The following PTPRD variants were observed in gnomAD, a reference collection of about 807,000 sequenced individuals.
PTPRD encodes protein tyrosine phosphatase receptor type D.
Under a neutral mutation model 214.5 loss-of-function variants are expected in PTPRD, and 34 were observed. The observed-to-expected ratio is 0.16, with a 90% CI of 0.12 to 0.21. The LOEUF is 0.21. Ranked by LOEUF, PTPRD falls within the 10% of genes least tolerant of loss-of-function variation. PTPRD has a pLI of 1.00. For missense variants in PTPRD, 2,545 were observed against 2,398.7 expected, an observed-to-expected ratio of 1.06 and a Z score of -1.27; for synonymous variants, 1,128 against 845.7, an observed-to-expected ratio of 1.33 and a Z score of -5.79.
chr9:8,558,680 A>G (rs768904594), intron 14 of PTPRD, among the ~76,000 whole-genome samples: 1 of 152,190 alleles, frequency 6.6e-6, no homozygotes, highest in Non-Finnish European at 1.5e-5. Context: ...TCTAATAAAA[A>G]ATGTCTATTA....
Position 8,319,963 on chromosome 9 carries a change from C to T in PTPRD, c.5538G>A (p.Ala1846=), listed in dbSNP as rs755813376. ...QDGPISVHCS[A]GVGRTGVFIT... ...TGAAGACTCCAGTTCTTCCAACGCC[C>T]GCGCTGCCACAATAACAAAGGCGAT... Residue 1846 remains alanine (A), a synonymous_variant, in exon 45 of 46, where the codon GCG becomes GCA. Transcript: ENST00000381196. 5.6e-6 allele frequency: 9 copies of T among 1,611,020 alleles called. No individual in the cohort carries two copies. Among genetic ancestry groups the T allele is most frequent in the African/African-American group, 1.3e-5 (1 of 74,742 alleles).
At chr9:9,356,787 G>T (rs1322347071) in intron 9 of PTPRD, among the ~76,000 whole-genome samples, 1 of 151,276 alleles carries the variant, frequency 6.6e-6, no homozygotes, top group Non-Finnish European at 1.5e-5. Context: ...TTATGAAAAA[G>T]AAATACATTC....
chr9:9,294,229 T>C (rs1952210467), intron 9 of PTPRD, among the ~76,000 whole-genome samples: 1 of 151,720 alleles, frequency 6.6e-6, no homozygotes, highest in Admixed American at 6.6e-5. Flanking sequence ...TTCCACTTAC[T>C]ATTTCAGATC....
intron 39 of PTPRD, among the ~76,000 whole-genome samples, chr9:8,353,623 G>A (rs1461876719): frequency 6.6e-6 from 1 of 151,662 alleles, no homozygotes; most frequent in Non-Finnish European, 1.5e-5. Flanking sequence ...TAGTAGAGAT[G>A]GGGTTTCACT....
At chr9:10,478,019 C>T (rs922553402) in intron 2 of PTPRD, among the ~76,000 whole-genome samples, 2 of 151,360 alleles carry the variant, frequency 1.3e-5, no homozygotes, top group East Asian at 2.0e-4. Flanking sequence ...AGCACAAATA[C>T]CTAATGCATG....
intron 11 of PTPRD, among the ~76,000 whole-genome samples, chr9:8,873,308 C>A (rs1438689573): frequency 6.6e-6 from 1 of 152,080 alleles, no homozygotes; most frequent in African/African-American, 2.4e-5. Context: ...ATCCTATTGC[C>A]CTGCTTAATT....
intron 6 of PTPRD, among the ~76,000 whole-genome samples, chr9:9,754,913 T>C (rs2098554212): frequency 6.6e-6 from 1 of 151,840 alleles, no homozygotes. Context: ...GAGGAAATTA[T>C]TTTTTTTAAT....
intron 9 of PTPRD, among the ~76,000 whole-genome samples, chr9:9,365,965 T>C (rs1350426085): frequency 1.3e-5 from 2 of 151,510 alleles, no homozygotes; most frequent in South Asian, 2.1e-4. Flanking sequence ...ATAGCATGGA[T>C]CTTTGCAGAT....
At position 8,465,673 on chromosome 9, in the gene PTPRD, C is replaced by A. The variant is rs1317311919; in HGVS notation, c.3507G>T (p.Leu1169=). Residue 1169 remains leucine (L), a splice_region_variant and synonymous_variant, in exon 32 of 46, where the codon CTG becomes CTT. Coordinates refer to ENST00000381196, the MANE Select transcript of PTPRD (RefSeq NM_002839.4). ...TGCGCTTCCTAGATATCTCCTTAAG[C>A]AGCTTAAGGAAAAAAGTGGGAAACA... ...ESPDEMELDE[L]LKEISRKRRS... 6.2e-7 allele frequency: 1 copy of A among 1,600,214 alleles called. No homozygotes were observed. The highest frequency in any genetic ancestry group is 1.8e-5 in the Admixed American group (1 of 56,868).
At chr9:9,326,717 G>A (rs1235755527) in intron 9 of PTPRD, among the ~76,000 whole-genome samples, 2 of 151,246 alleles carry the variant, frequency 1.3e-5, no homozygotes, top group African/African-American at 2.4e-5. Flanking sequence ...TAAATGTCAG[G>A]GATTGAAGGT....
chr9:9,334,514 A>C (rs1449138029), intron 9 of PTPRD, among the ~76,000 whole-genome samples: 1 of 151,952 alleles, frequency 6.6e-6, no homozygotes, highest in African/African-American at 2.4e-5. Context: ...AAAATATTTG[A>C]TGGTCTGGTG....
chr9:8,523,378 A>T (rs1245859895), intron 19 of PTPRD, 135 bp downstream of exon 19: 2 of 1,031,652 alleles, frequency 1.9e-6, no homozygotes, highest in Middle Eastern at 4.2e-4. Context: ...AGCCATGGCC[A>T]GGGCATTCTC....
intron 12 of PTPRD, among the ~76,000 whole-genome samples, chr9:8,730,488 A>C (rs1428012740): frequency 6.6e-6 from 1 of 152,238 alleles, no homozygotes; most frequent in Non-Finnish European, 1.5e-5. Flanking sequence ...ATTCAGGTTT[A>C]ATTATAATGA....
At chr9:9,620,293 G>A (rs2095166510) in intron 7 of PTPRD, among the ~76,000 whole-genome samples, 1 of 152,146 alleles carries the variant, frequency 6.6e-6, no homozygotes, top group Non-Finnish European at 1.5e-5. Flanking sequence ...TAGACTGTAA[G>A]TCCCATGAAG....
chr9:9,579,144 ATTC>A (rs2089973111), intron 7 of PTPRD, among the ~76,000 whole-genome samples: 1 of 152,124 alleles, frequency 6.6e-6, no homozygotes. Context: ...ATATTCATTT[ATTC>A]TTTTCAGTTT....
chr9:10,113,162 CAA>C (rs2098705378), intron 3 of PTPRD, among the ~76,000 whole-genome samples: 1 of 152,156 alleles, frequency 6.6e-6, no homozygotes. Context: ...GGGCTCATTA[CAA>C]AGAGTTTTAT....
intron 9 of PTPRD, among the ~76,000 whole-genome samples, chr9:9,372,172 A>G (rs374270811): frequency 3.9e-5 from 6 of 152,034 alleles, no homozygotes; most frequent in South Asian, 2.1e-4. Flanking sequence ...TATCCTTGTT[A>G]ACTTTCTGTC....
intron 2 of PTPRD, among the ~76,000 whole-genome samples, chr9:10,540,060 G>C (rs978292152): frequency 6.6e-6 from 1 of 152,112 alleles, no homozygotes; most frequent in Non-Finnish European, 1.5e-5. Flanking sequence ...GTGGAGTCTT[G>C]CTCTGTTATT....
intron 9 of PTPRD, among the ~76,000 whole-genome samples, chr9:9,328,172 A>T (rs191664010): frequency 1.3e-5 from 2 of 152,288 alleles, no homozygotes; most frequent in East Asian, 3.9e-4. Context: ...TTAGCAAAAA[A>T]GTTGAGTTTT....
Sources: allele counts gnomAD v4.1 joint callset (sites outside exome capture counted in the v4.1 genomes callset), GRCh38; gene constraint gnomAD v4.1.1; transcripts MANE v1.5; gene names NCBI Gene and HGNC (gene_info 2026-07-23, HGNC 2026-07-21).